The following HLCS variants were observed in gnomAD, a reference collection of about 807,000 sequenced individuals.
HLCS encodes the protein biotin--protein ligase.
A neutral mutation model predicts 75.0 loss-of-function variants in HLCS; 53 were observed. The ratio of observed to expected loss-of-function variants is 0.71; its 90% CI spans 0.57 to 0.89. The LOEUF is 0.89. Among genes scored for constraint, HLCS ranks in the 40% least tolerant of loss-of-function variants. HLCS has a pLI of 0.00. For missense variants in HLCS, 966 were observed against 1,074.0 expected, an observed-to-expected ratio of 0.90 and a Z score of 1.41; for synonymous variants, 431 against 428.6, an observed-to-expected ratio of 1.01 and a Z score of -0.07.
chr21:36,778,525 C>T (rs964453425), intron 6 of HLCS, among the ~76,000 whole-genome samples: 7 of 152,108 alleles, frequency 4.6e-5, no homozygotes, highest in Non-Finnish European at 5.9e-5. Context: ...GCGATTCACC[C>T]GCCTCGGCCT....
chr21:36,850,094 A>C (rs978593125), intron 6 of HLCS, among the ~76,000 whole-genome samples: 2 of 152,228 alleles, frequency 1.3e-5, no homozygotes, highest in African/African-American at 4.8e-5. Context: ...AGAAAATAGG[A>C]AAGTGAGTAA....
At chr21:36,938,773 GGATTACAGGCATGA>G in intron 3 of HLCS, 45 bp downstream of exon 3, 1 of 1,563,820 alleles carries the variant, frequency 6.4e-7, no homozygotes, top group Non-Finnish European at 8.8e-7. Flanking sequence ...CAAAGTGCTG[GGATTACAGGCATGA>G]GCCACTATGC....
chr21:36,803,705 T>C (rs913902310), intron 6 of HLCS, among the ~76,000 whole-genome samples: 1 of 151,222 alleles, frequency 6.6e-6, no homozygotes, highest in Admixed American at 6.6e-5. Context: ...ACTCATAAGG[T>C]GAAAAAAACT....
At chr21:36,930,683 C>T (rs1292908470) in intron 4 of HLCS, among the ~76,000 whole-genome samples, 1 of 152,094 alleles carries the variant, frequency 6.6e-6, no homozygotes, top group Non-Finnish European at 1.5e-5. Flanking sequence ...CAAGTGAGCA[C>T]ATCACACCCA....
At chr21:36,763,765 G>C (rs865826763) in intron 8 of HLCS, among the ~76,000 whole-genome samples, 5 of 152,296 alleles carry the variant, frequency 3.3e-5, no homozygotes, top group Middle Eastern at 6.8e-3. Context: ...GGGGGCTATG[G>C]GAAGTGAAGC....
At chr21:36,815,724 C>G (rs1009789409) in intron 6 of HLCS, among the ~76,000 whole-genome samples, 2 of 152,156 alleles carry the variant, frequency 1.3e-5, no homozygotes, top group Non-Finnish European at 2.9e-5. Flanking sequence ...CCAAAACAGG[C>G]ACTCGCTTCA....
intron 5 of HLCS, among the ~76,000 whole-genome samples, chr21:36,910,176 G>A (rs917554721): frequency 6.6e-6 from 1 of 152,192 alleles, no homozygotes; most frequent in Non-Finnish European, 1.5e-5. Flanking sequence ...ATACTCACAC[G>A]CAATTTCATG....
chr21:36,910,486 C>G (rs1226467763), intron 5 of HLCS, among the ~76,000 whole-genome samples: 1 of 150,878 alleles, frequency 6.6e-6, no homozygotes, highest in South Asian at 2.1e-4. Context: ...GTGGAGGGTG[C>G]AGTGAGCAGA....
intron 6 of HLCS, among the ~76,000 whole-genome samples, chr21:36,855,885 T>A (rs1267670544): frequency 6.6e-6 from 1 of 152,120 alleles, no homozygotes; most frequent in African/African-American, 2.4e-5. Flanking sequence ...GCCCAAAATA[T>A]TTGTTATAAA....
rs140047144 is a variant in HLCS at position 36,948,524 on chromosome 21, G to A, written c.331-9530C>T. 3.4e-3 allele frequency among the ~76,000 whole-genome samples: 511 copies of A among 151,550 alleles called. 2 individuals are homozygous for A. The highest frequency in any genetic ancestry group is 0.012 in the African/African-American group (477 of 41,162). ...CAGGAAGGATCGCTTAAGCCCAGGA[G>A]TTCAAGACCAGCCTGGGCAACAAGG... On this transcript the variant is annotated intron_variant, in intron 2 of 10. Transcript: ENST00000674895.
chr21:36,964,117 C>G (rs1397286869), intron 1 of HLCS, among the ~76,000 whole-genome samples: 1 of 152,178 alleles, frequency 6.6e-6, no homozygotes, highest in Non-Finnish European at 1.5e-5. Context: ...CCCAGCTACT[C>G]AGGACGCCAA....
At chr21:36,939,911 T>C (rs1251734060) in intron 2 of HLCS, among the ~76,000 whole-genome samples, 6 of 152,148 alleles carry the variant, frequency 3.9e-5, no homozygotes, top group Non-Finnish European at 8.8e-5. Flanking sequence ...TAGCCGGGCG[T>C]GGTGTCGCAC....
chr21:36,942,324 G>A (rs886340663), intron 2 of HLCS, among the ~76,000 whole-genome samples: 2 of 148,848 alleles, frequency 1.3e-5, no homozygotes, highest in African/African-American at 5.0e-5. Flanking sequence ...AATCCCACCT[G>A]AGAGGTGGAG....
chr21:36,922,902 C>A lies in HLCS; in HGVS notation c.1620+7349G>T, dbSNP rs117127308. Among the ~76,000 whole-genome samples the A allele has an allele frequency of 4.9e-3, 752 of 152,348 alleles. 2 individuals carry two copies. The highest frequency in any genetic ancestry group is 7.0e-3 in the Non-Finnish European group (479 of 68,024). On this transcript the variant is annotated intron_variant, in intron 5 of 10. Transcript: ENST00000674895. ...CATGCATGGAAACAAAATGTGCTCC[C>A]CAGCTATAATTCACATCCCAAGAAC... is the stretch of plus-strand genomic sequence containing the variant.
At chr21:36,918,482 C>T (rs2066025653) in intron 5 of HLCS, among the ~76,000 whole-genome samples, 1 of 152,204 alleles carries the variant, frequency 6.6e-6, no homozygotes, top group African/African-American at 2.4e-5. Flanking sequence ...AATCTGGAAA[C>T]AATCTGCTGA....
At chr21:36,961,402 T>A (rs2068283224) in intron 2 of HLCS, among the ~76,000 whole-genome samples, 1 of 152,234 alleles carries the variant, frequency 6.6e-6, no homozygotes, top group South Asian at 2.1e-4. Flanking sequence ...ACATCTCTAA[T>A]CCAAGTATTT....
At chr21:36,851,518 G>A (rs2063006836) in intron 6 of HLCS, among the ~76,000 whole-genome samples, 1 of 152,190 alleles carries the variant, frequency 6.6e-6, no homozygotes, top group African/African-American at 2.4e-5. Flanking sequence ...ATCAGAGGCT[G>A]GGAAGGGTAG....
intron 2 of HLCS, among the ~76,000 whole-genome samples, chr21:36,948,601 C>T (rs1199925842): frequency 2.0e-5 from 3 of 151,356 alleles, no homozygotes; most frequent in Non-Finnish European, 4.4e-5. Context: ...TGGTGGCACA[C>T]GCCTGTATTC....
chr21:36,989,625 G>T (rs2069303804), intron 1 of HLCS, among the ~76,000 whole-genome samples: 1 of 152,108 alleles, frequency 6.6e-6, no homozygotes, highest in Admixed American at 6.5e-5. Context: ...CACCGCGCCC[G>T]GCCCCAGCTT....
Sources: gnomAD v4.1 joint callset for allele counts (sites outside exome capture counted in the v4.1 genomes callset) on GRCh38, gnomAD v4.1.1 for gene constraint, MANE v1.5 for transcripts, NCBI Gene and HGNC (gene_info 2026-07-23, HGNC 2026-07-21) for gene names.